CSNK1G1: variants seen among roughly 807,000 people sequenced by gnomAD.
CSNK1G1 encodes casein kinase I isoform gamma-1.
In CSNK1G1, 22 loss-of-function variants were observed where a neutral mutation model predicts 59.6. The observed-to-expected ratio is 0.37, with a 90% CI of 0.26 to 0.53. CSNK1G1 has a LOEUF of 0.53. Ranked by LOEUF, CSNK1G1 falls within the 20% of genes least tolerant of loss-of-function variation. CSNK1G1 has a pLI of 0.89. For missense variants in CSNK1G1, 384 were observed against 519.5 expected, an observed-to-expected ratio of 0.74 and a Z score of 2.54; for synonymous variants, 179 against 177.1, an observed-to-expected ratio of 1.01 and a Z score of -0.08.
chr15:64,218,855 T>G (rs1395175167), intron 4 of CSNK1G1, among the ~76,000 whole-genome samples: 2 of 131,136 alleles, frequency 1.5e-5, no homozygotes, highest in South Asian at 2.4e-4. Flanking sequence ...TTGAAGTGTT[T>G]TTTTTTTTTT....
intron 10 of CSNK1G1, among the ~76,000 whole-genome samples, chr15:64,197,424 T>A (rs184541008): frequency 6.6e-6 from 1 of 152,196 alleles, no homozygotes; most frequent in African/African-American, 2.4e-5. Context: ...GATGCCTAAA[T>A]TCAAATTCCA....
intron 4 of CSNK1G1, among the ~76,000 whole-genome samples, chr15:64,236,067 T>C (rs1272981862): frequency 7.1e-6 from 1 of 139,944 alleles, no homozygotes; most frequent in Non-Finnish European, 1.5e-5. Flanking sequence ...CGCTTGAACC[T>C]GGGAGGCAGA....
At chr15:64,191,939 A>G (rs1009967192) in intron 10 of CSNK1G1, among the ~76,000 whole-genome samples, 3 of 152,256 alleles carry the variant, frequency 2.0e-5, no homozygotes, top group African/African-American at 7.2e-5. Flanking sequence ...AGAGGATAAC[A>G]TAGTAGAAAG....
chr15:64,320,932 A>C (rs555273597), intron 1 of CSNK1G1, among the ~76,000 whole-genome samples: 3 of 152,128 alleles, frequency 2.0e-5, no homozygotes, highest in Admixed American at 6.6e-5. Flanking sequence ...TGCCAAAAAC[A>C]AGGGTGGGAA....
intron 10 of CSNK1G1, among the ~76,000 whole-genome samples, chr15:64,196,336 A>T (rs1401712306): frequency 6.6e-6 from 1 of 152,242 alleles, no homozygotes; most frequent in Non-Finnish European, 1.5e-5. Flanking sequence ...ATATAGATAA[A>T]CCAAACAGTA....
chr15:64,273,269 C>T (rs1271877832), intron 2 of CSNK1G1, among the ~76,000 whole-genome samples: 1 of 152,040 alleles, frequency 6.6e-6, no homozygotes, highest in Non-Finnish European at 1.5e-5. Context: ...ACCCCATAAG[C>T]ATGTACAATT....
chr15:64,277,981 T>C (rs1893833703), intron 2 of CSNK1G1, among the ~76,000 whole-genome samples: 1 of 146,318 alleles, frequency 6.8e-6, no homozygotes, highest in Non-Finnish European at 1.5e-5. Context: ...AATATTGATA[T>C]ATTCGAATAA....
At chr15:64,269,211 T>C (rs1027811110) in intron 2 of CSNK1G1, among the ~76,000 whole-genome samples, 7 of 152,208 alleles carry the variant, frequency 4.6e-5, no homozygotes, top group Non-Finnish European at 1.0e-4. Context: ...AAGTATGCCA[T>C]AGGTCACTCC....
rs762630111 is a variant in CSNK1G1 at position 64,204,951 on chromosome 15, T to TGTAGAGA, written c.766-9_766-3dup. The TGTAGAGA allele has an allele frequency of 6.4e-7, 1 of 1,567,012 alleles. No individual in the cohort carries two copies. Among genetic ancestry groups the TGTAGAGA allele is most frequent in the Admixed American group, 1.7e-5 (1 of 59,080 alleles). On this transcript the variant is annotated splice_polypyrimidine_tract_variant and splice_region_variant and intron_variant, in intron 7 of 11. Coordinates refer to ENST00000303052, the MANE Select transcript of CSNK1G1 (RefSeq NM_022048.5). Reference sequence around the variant, plus strand: ...ATATCTCTCTTTTAATGTGTCAGCCTGTAGAGAGTAAAGAGAGAAAGTTAC... The same window carrying TGTAGAGA: ...ATATCTCTCTTTTAATGTGTCAGCCTGTAGAGAGTAGAGAGTAAAGAGAGAAAGTTAC...
chr15:64,316,277 C>G (rs1034646439), intron 1 of CSNK1G1, among the ~76,000 whole-genome samples: 4 of 151,946 alleles, frequency 2.6e-5, no homozygotes, highest in Non-Finnish European at 4.4e-5. Flanking sequence ...TGGCTCACGC[C>G]TGTAATCCCA....
rs1357373245 is a variant in CSNK1G1, at chr15:64,214,254, CT to C, written c.445-131del. Reference sequence around the variant, plus strand: ...GTAAAATTCATCTCCTTTCACCGCCCTGAGTCACTTCACTGACTTGTAAACA... The same window carrying C: ...GTAAAATTCATCTCCTTTCACCGCCCGAGTCACTTCACTGACTTGTAAACA... On this transcript the variant is annotated intron_variant, in intron 5 of 11. Transcript: ENST00000303052. This position sits in a 1 kb window ranked among gnomAD's most constrained non-coding sequence, Gnocchi z 4.3. 7.4e-6 allele frequency: 5 copies of C among 679,286 alleles called. No individual in the cohort carries two copies. The African/African-American group carries it at 9.1e-5, about 12-fold the overall frequency. The allele number at this position is 679,286 out of a possible 1,614,324, so 42.1% of individuals were successfully genotyped here. A position where few individuals can be genotyped will look rare whatever the true frequency, so the allele number is the denominator to read the frequency against.
At chr15:64,232,912 G>T (rs2140294169) in intron 4 of CSNK1G1, among the ~76,000 whole-genome samples, 1 of 152,268 alleles carries the variant, frequency 6.6e-6, no homozygotes, top group African/African-American at 2.4e-5. Context: ...AACCTTCAGG[G>T]TCTGTGTCTA....
chr15:64,314,649 C>T (rs1252478217), intron 1 of CSNK1G1, among the ~76,000 whole-genome samples: 1 of 151,452 alleles, frequency 6.6e-6, no homozygotes, highest in African/African-American at 2.4e-5. Flanking sequence ...ACCCTCCAGG[C>T]TCTGTAACCA....
intron 10 of CSNK1G1, among the ~76,000 whole-genome samples, chr15:64,195,460 C>T (rs1412226735): frequency 2.0e-5 from 3 of 152,194 alleles, no homozygotes; most frequent in Admixed American, 2.0e-4. Context: ...AGGATTGTCA[C>T]AAGCTTGGAT....
At chr15:64,175,329 A>C (rs1008713341) in intron 11 of CSNK1G1, among the ~76,000 whole-genome samples, 1 of 152,124 alleles carries the variant, frequency 6.6e-6, no homozygotes, top group Non-Finnish European at 1.5e-5. Context: ...AAATAGAAAC[A>C]TGGCAGTCAT....
intron 1 of CSNK1G1, 33 bp from the exon 2 acceptor site, chr15:64,300,756 A>C (rs1202673530): frequency 3.3e-6 from 4 of 1,217,882 alleles, no homozygotes; most frequent in Non-Finnish European, 1.0e-6. Context: ...TGTAGTTAAA[A>C]ATTAAATTTT....
rs913337797 is a variant in CSNK1G1, at chr15:64,207,309, G to T, written c.765+200C>A. Reference sequence around the variant, plus strand: ...TTGTTTATGTTTAAATAGAGATGGGGTCTCACTATGTTGCTGATCTCAAAC... The same window carrying T: ...TTGTTTATGTTTAAATAGAGATGGGTTCTCACTATGTTGCTGATCTCAAAC... On this transcript the variant is annotated intron_variant, in intron 7 of 11. Transcript: ENST00000303052. 5.9e-5 allele frequency among the ~76,000 whole-genome samples: 9 copies of T among 152,224 alleles called. No homozygotes were observed. The East Asian group carries it at 1.4e-3, about 23-fold the overall frequency.
chr15:64,273,584 G>A lies in CSNK1G1; in HGVS notation c.182-14343C>T, dbSNP rs186434026. Among the ~76,000 whole-genome samples, 27 of 152,114 alleles carry A rather than the reference G, an allele frequency of 1.8e-4. No individual in the cohort carries two copies. In the East Asian group the frequency reaches 4.0e-3, roughly 23 times the overall value. On this transcript the variant is annotated intron_variant, in intron 2 of 11. Coordinates refer to ENST00000303052, the MANE Select transcript of CSNK1G1 (RefSeq NM_022048.5). Reference sequence around the variant, plus strand: ...GTATTTTGAAGGAAAACCTAACAACGTTTGGATTACATGTAATGTGAGGGA... The same window carrying A: ...GTATTTTGAAGGAAAACCTAACAACATTTGGATTACATGTAATGTGAGGGA...
chr15:64,332,366 CCT>C (rs1897152594), intron 1 of CSNK1G1, among the ~76,000 whole-genome samples: 1 of 140,246 alleles, frequency 7.1e-6, no homozygotes, highest in East Asian at 2.1e-4. Context: ...GAGTTCATGT[CCT>C]TTGTAGGGAC....
Sources: allele counts gnomAD v4.1 joint callset (sites outside exome capture counted in the v4.1 genomes callset), GRCh38; gene constraint gnomAD v4.1.1; non-coding constraint Gnocchi (gnomAD v3.1); transcripts MANE v1.5; gene names NCBI Gene and HGNC (gene_info 2026-07-23, HGNC 2026-07-21).